Variants in NCKAP5 observed in about 807,000 individuals in gnomAD.
The protein encoded by NCKAP5 is NCK associated protein 5, also known as nck-associated protein 5.
In NCKAP5, 92 loss-of-function variants were observed where a neutral mutation model predicts 167.0. The ratio of observed to expected loss-of-function variants is 0.55; its 90% confidence interval spans 0.47 to 0.66. The LOEUF (loss-of-function observed/expected upper bound fraction) is 0.66. Among genes scored for constraint, NCKAP5 ranks in the 30% least tolerant of loss-of-function variants. NCKAP5 has a pLI of 0.00. For synonymous variants in NCKAP5, 891 were observed against 877.4 expected (o/e 1.02, Z -0.27); for missense variants, 2,378 against 2,315.0 (o/e 1.03, Z -0.56).
At chr2:133,510,521 TA>T (rs567660180) in intron 3 of NCKAP5, among the ~76,000 whole-genome samples, 13 of 152,330 alleles carry the variant, frequency 8.5e-5, no homozygotes, top group Admixed American at 1.3e-4. Flanking sequence ...ACATTCCTTA[TA>T]AGTCTCCCCT....
intron 8 of NCKAP5, chr2:132,954,777 T>A: frequency 2.3e-6 from 1 of 428,018 alleles, no homozygotes; most frequent in Non-Finnish European, 4.7e-6. Flanking sequence ...TAATTACAAT[T>A]ATTTTCTTAT....
intron 3 of NCKAP5, among the ~76,000 whole-genome samples, chr2:133,442,007 G>A (rs770657256): frequency 2.1e-4 from 32 of 152,024 alleles, no homozygotes; most frequent in Admixed American, 9.8e-4. Flanking sequence ...CTTTCTGAAT[G>A]GAACAAAATG....
rs141581857 is a variant in NCKAP5, at chr2:132,795,005, T to A, written c.909+1623A>T. Among the ~76,000 whole-genome samples the A allele has an allele frequency of 8.1e-4, 123 of 152,352 alleles. No individual in the cohort carries two copies. In the East Asian group the frequency reaches 0.022, roughly 27 times the overall value. ...AAAGGAACAGAGATCTTATGATTGTTCCAATATTGTTAGCAGGCACTGTGT... is the reference window on the plus strand; with the variant it reads ...AAAGGAACAGAGATCTTATGATTGTACCAATATTGTTAGCAGGCACTGTGT... On this transcript the variant is annotated intron_variant, in intron 12 of 19. Coordinates refer to ENST00000409261, the MANE Select transcript of NCKAP5 (RefSeq NM_207363.3).
At chr2:132,770,745 C>T (rs1271234062) in intron 16 of NCKAP5, among the ~76,000 whole-genome samples, 2 of 152,060 alleles carry the variant, frequency 1.3e-5, no homozygotes, top group African/African-American at 2.4e-5. Context: ...GATCTATTTA[C>T]GATATAGAAC....
intron 3 of NCKAP5, among the ~76,000 whole-genome samples, chr2:133,361,641 G>T (rs1270872560): frequency 5.3e-5 from 8 of 152,122 alleles, no homozygotes; most frequent in Non-Finnish European, 7.3e-5. Flanking sequence ...CACAAGAAAA[G>T]GCCAAAATGA....
At chr2:133,621,695 T>C in the NCKAP5 span, among the ~76,000 whole-genome samples, 1 of 152,160 alleles carries the variant, frequency 6.6e-6, no homozygotes, top group Admixed American at 6.5e-5. Flanking sequence ...AGCTGAATTC[T>C]ATCAGACATA....
rs757919234 is a variant in NCKAP5 at position 133,499,356 on chromosome 2, CTT to C, written c.69+18100_69+18101del. Among the ~76,000 whole-genome samples, 14 of 152,268 alleles carry C rather than the reference CTT, an allele frequency of 9.2e-5. No individual in the cohort carries two copies. The South Asian group carries it at 1.0e-3, about 11-fold the overall frequency. ...TCACAGAAAAGGGAAATACCCAAGT[CTT>C]TCTGTCTCAGTCATCTGTGGGTTCT... On this transcript the variant is annotated intron_variant, in intron 3 of 19. Transcript: ENST00000409261.
At chr2:132,758,332 G>C (rs1292029856) in intron 16 of NCKAP5, among the ~76,000 whole-genome samples, 1 of 152,150 alleles carries the variant, frequency 6.6e-6, no homozygotes, top group Non-Finnish European at 1.5e-5. Context: ...TTCCAAGCTA[G>C]ATTATAGGGT....
chr2:133,236,179 C>T (rs1414850305), intron 4 of NCKAP5, among the ~76,000 whole-genome samples: 2 of 147,842 alleles, frequency 1.4e-5, no homozygotes, highest in Non-Finnish European at 3.0e-5. Flanking sequence ...GCTATGAGTT[C>T]GATGCTGATG....
At chr2:133,618,357 G>C in the NCKAP5 span, among the ~76,000 whole-genome samples, 3 of 151,166 alleles carry the variant, frequency 2.0e-5, no homozygotes, top group African/African-American at 7.3e-5. Flanking sequence ...TACCATCAGA[G>C]TGAACAGGCA....
intron 6 of NCKAP5, among the ~76,000 whole-genome samples, chr2:133,124,092 T>C (rs2082329938): frequency 1.3e-5 from 2 of 152,208 alleles, no homozygotes; most frequent in African/African-American, 4.8e-5. Context: ...TCAACTGTGA[T>C]AGGAGAATCC....
chr2:133,128,934 G>A (rs973630834), intron 6 of NCKAP5, among the ~76,000 whole-genome samples: 13 of 139,654 alleles, frequency 9.3e-5, no homozygotes, highest in Non-Finnish European at 1.5e-4. Flanking sequence ...TTTAAGGACA[G>A]AAACTCACTG....
chr2:133,440,844 A>G (rs563383063), intron 3 of NCKAP5, among the ~76,000 whole-genome samples: 10 of 152,186 alleles, frequency 6.6e-5, no homozygotes, highest in African/African-American at 2.4e-4. Context: ...TCCAGTTGCA[A>G]GGGTTAAATG....
At chr2:132,987,068 T>C (rs894432571) in intron 7 of NCKAP5, among the ~76,000 whole-genome samples, 1 of 152,204 alleles carries the variant, frequency 6.6e-6, no homozygotes, top group Non-Finnish European at 1.5e-5. Flanking sequence ...GTGAAAATGC[T>C]ATATAAACTG....
intron 4 of NCKAP5, among the ~76,000 whole-genome samples, chr2:133,239,010 A>T (rs2087554370): frequency 6.6e-6 from 1 of 152,212 alleles, no homozygotes; most frequent in East Asian, 1.9e-4. Context: ...TTATACATAC[A>T]ATCCCTAATG....
chr2:133,064,975 T>C (rs1039988844), intron 6 of NCKAP5, among the ~76,000 whole-genome samples: 1 of 152,238 alleles, frequency 6.6e-6, no homozygotes, highest in Non-Finnish European at 1.5e-5. Flanking sequence ...CTCAGTGTTC[T>C]AAGCATTGGA....
At chr2:132,831,752 A>AT (rs1447094552) in intron 11 of NCKAP5, among the ~76,000 whole-genome samples, 3 of 151,542 alleles carry the variant, frequency 2.0e-5, no homozygotes, top group East Asian at 1.9e-4. Flanking sequence ...TAAATATATC[A>AT]TTTTTTTCCT....
chr2:133,136,460 C>T (rs1411631374), intron 5 of NCKAP5, among the ~76,000 whole-genome samples: 1 of 152,188 alleles, frequency 6.6e-6, no homozygotes, highest in Non-Finnish European at 1.5e-5. Context: ...AGGCTCCAAG[C>T]CCTCCGTGAG....
At chr2:133,129,608 C>T (rs554161089) in intron 6 of NCKAP5, among the ~76,000 whole-genome samples, 56 of 152,232 alleles carry the variant, frequency 3.7e-4, no homozygotes, top group African/African-American at 1.3e-3. Flanking sequence ...TGGGTATACA[C>T]CTAGTAATGG....
Sources: allele counts gnomAD v4.1 joint callset (sites outside exome capture counted in the v4.1 genomes callset), GRCh38; gene constraint gnomAD v4.1.1; transcripts MANE v1.5; gene names NCBI Gene and HGNC (gene_info 2026-07-23, HGNC 2026-07-21).